The following CCDC158 variants were observed in gnomAD, a reference collection of about 807,000 sequenced individuals.
CCDC158 encodes the protein coiled-coil domain-containing protein 158.
In CCDC158, 116 loss-of-function variants were observed where a neutral mutation model predicts 138.6. That is an observed-to-expected ratio of 0.84 (90% CI 0.72 to 0.98). The LOEUF (loss-of-function observed/expected upper bound fraction) is 0.98. Among genes scored for constraint, CCDC158 ranks in the 50% least tolerant of loss-of-function variants. The pLI, the probability that CCDC158 is intolerant of heterozygous loss-of-function variation, is 0.00. For synonymous variants in CCDC158, 436 were observed against 442.4 expected (o/e 0.99, Z 0.18); for missense variants, 1,265 against 1,306.1 (o/e 0.97, Z 0.48).
In CCDC158 at chr4:76,323,307, T is replaced by C. The variant is rs1368015113; in HGVS notation, c.3272A>G (p.Asn1091Ser). Residue 1091 changes from asparagine to serine, a missense_variant, in exon 24 of 25, where the codon AAC (asparagine) becomes AGC (serine). Coordinates refer to ENST00000682701, the MANE Select transcript of CCDC158 (RefSeq NM_001394954.1). ...QTLVEDLQLK[N>S]QAMSSMIRNQ... ...TCCAAAAACGTACACTGTACCTTGG[T>C]TCTTCAGCTGTAAATCTTCTACCAG... 2 of 1,609,230 alleles carry C rather than the reference T, an allele frequency of 1.2e-6. No homozygotes were observed. Among genetic ancestry groups the C allele is most frequent in the African/African-American group, 1.3e-5 (1 of 74,830 alleles).
intron 4 of CCDC158, among the ~76,000 whole-genome samples, chr4:76,387,599 C>T (rs780673629): frequency 1.3e-5 from 2 of 151,290 alleles, no homozygotes; most frequent in South Asian, 2.1e-4. Flanking sequence ...CTGAAGTGGG[C>T]GGATCATGAG....
At chr4:76,335,053 C>G (rs1721352181) in intron 18 of CCDC158, among the ~76,000 whole-genome samples, 1 of 152,136 alleles carries the variant, frequency 6.6e-6, no homozygotes, top group Non-Finnish European at 1.5e-5. Context: ...TGAATGTGTG[C>G]TAAGTATGTC....
At chr4:76,402,995 A>G in intron 3 of CCDC158, 143 bp downstream of exon 3, 1 of 601,358 alleles carries the variant, frequency 1.7e-6, no homozygotes, top group Non-Finnish European at 2.8e-6. Flanking sequence ...CAAAAAGTAG[A>G]ATTATAAACA....
At chr4:76,358,597 T>C (rs1244441907) in intron 13 of CCDC158, among the ~76,000 whole-genome samples, 1 of 152,180 alleles carries the variant, frequency 6.6e-6, no homozygotes, top group Admixed American at 6.5e-5. Context: ...GCTTCATGCA[T>C]TTGCCCATAA....
At chr4:76,411,774 G>C (rs1560487385) in intron 2 of CCDC158, among the ~76,000 whole-genome samples, 1 of 152,104 alleles carries the variant, frequency 6.6e-6, no homozygotes, top group Non-Finnish European at 1.5e-5. Flanking sequence ...AATTACAGTT[G>C]TGTTTTTCAA....
intron 4 of CCDC158, among the ~76,000 whole-genome samples, chr4:76,387,781 C>T (rs181304328): frequency 0.01 from 1,556 of 150,200 alleles, 25 homozygotes; most frequent in African/African-American, 0.037. Context: ...TGAGATCGCA[C>T]CACTGCACTC....
At chr4:76,368,623 C>T (rs1359722221) in intron 11 of CCDC158, among the ~76,000 whole-genome samples, 2 of 152,150 alleles carry the variant, frequency 1.3e-5, no homozygotes, top group East Asian at 1.9e-4. Flanking sequence ...AGGCAGTCCA[C>T]GTTTTGCTAC....
chr4:76,369,692 A>G, intron 10 of CCDC158, 69 bp from the exon 11 acceptor site: 3 of 1,378,412 alleles, frequency 2.2e-6, no homozygotes, highest in South Asian at 1.3e-5. Flanking sequence ...TATTGTCTTT[A>G]TATCATATTT....
chr4:76,418,042 C>A (rs937861418), intron 1 of CCDC158, among the ~76,000 whole-genome samples: 1 of 152,186 alleles, frequency 6.6e-6, no homozygotes, highest in African/African-American at 2.4e-5. Context: ...AGGTAAAGCT[C>A]ATGGGGCCTT....
intron 18 of CCDC158, 88 bp from the exon 19 acceptor site, chr4:76,334,255 A>G: frequency 7.7e-7 from 1 of 1,291,106 alleles, no homozygotes; most frequent in Non-Finnish European, 1.1e-6. Context: ...GGTAAACAGA[A>G]ATTATGGAAA....
intron 4 of CCDC158, among the ~76,000 whole-genome samples, chr4:76,390,537 A>C (rs895095245): frequency 1.3e-5 from 2 of 152,028 alleles, no homozygotes; most frequent in African/African-American, 4.8e-5. Flanking sequence ...CACCTTCACT[A>C]GGAGGAATAC....
rs913656058 is a variant in CCDC158, at chr4:76,345,203, T to C, written c.2664+5793A>G. 1.1e-5 allele frequency: 11 copies of C among 959,198 alleles called. No homozygotes were observed. In the Admixed American group the frequency reaches 1.2e-4, roughly 10 times the overall value. The allele number at this position is 959,198 out of a possible 1,614,324, so 59.4% of individuals were successfully genotyped here. On this transcript the variant is annotated intron_variant, in intron 18 of 24. Transcript: ENST00000682701. ...AGGTTGCTGTGCTATTTGACAAACT[T>C]AGGAAAGTAGAGGGTCAAGTTTCAT...
intron 4 of CCDC158, among the ~76,000 whole-genome samples, chr4:76,390,691 G>A (rs1727232593): frequency 1.3e-5 from 2 of 151,940 alleles, no homozygotes; most frequent in African/African-American, 2.4e-5. Flanking sequence ...TAGAGTGGTT[G>A]AATGGATTAA....
chr4:76,367,753 A>G lies in CCDC158; in HGVS notation c.1371T>C (p.Asn457=). The change falls in exon 12 of 25, where the codon AAT becomes AAC. Residue 457 remains asparagine (N), a synonymous_variant. Transcript: ENST00000682701. ...AGGAGGATACTTTTTCTAGACTTTC[A>G]TTCTTTCCTTGAATTGCTGCCATCT... The part of the protein sequence containing the change: ...ERQMAAIQGK[N]ESLEKVSSLT... The G allele has an allele frequency of 1.2e-6, 2 of 1,602,688 alleles. No homozygotes were observed. The highest frequency in any genetic ancestry group is 1.7e-6 in the Non-Finnish European group (2 of 1,173,698).
intron 23 of CCDC158, among the ~76,000 whole-genome samples, chr4:76,324,699 GTTGACT>G (rs1720363754): frequency 6.6e-6 from 1 of 152,066 alleles, no homozygotes; most frequent in Admixed American, 6.6e-5. Flanking sequence ...AATCTGCCAA[GTTGACT>G]TCTGATTAAT....
chr4:76,341,931 A>G (rs1722089219), intron 18 of CCDC158, among the ~76,000 whole-genome samples: 1 of 152,224 alleles, frequency 6.6e-6, no homozygotes, highest in African/African-American at 2.4e-5. Context: ...TAGGGTATCT[A>G]TTTACGTCAT....
chr4:76,416,889 C>T (rs539625889), intron 1 of CCDC158, among the ~76,000 whole-genome samples: 1 of 152,276 alleles, frequency 6.6e-6, no homozygotes, highest in Non-Finnish European at 1.5e-5. Context: ...GGTTGGAACC[C>T]CCACACAGAG....
chr4:76,327,931 C>A (rs1485881087), intron 22 of CCDC158, among the ~76,000 whole-genome samples: 2 of 152,152 alleles, frequency 1.3e-5, no homozygotes, highest in Non-Finnish European at 2.9e-5. Context: ...CCTTCCAAAT[C>A]TAACATATTC....
At chr4:76,357,004 C>T (rs1723635298) in intron 14 of CCDC158, among the ~76,000 whole-genome samples, 1 of 151,908 alleles carries the variant, frequency 6.6e-6, no homozygotes, top group African/African-American at 2.4e-5. Context: ...TAGCCAGGGA[C>T]CTACAGTTTA....
Sources: gnomAD v4.1 joint callset for allele counts (sites outside exome capture counted in the v4.1 genomes callset) on GRCh38, gnomAD v4.1.1 for gene constraint, MANE v1.5 for transcripts, NCBI Gene and HGNC (gene_info 2026-07-23, HGNC 2026-07-21) for gene names.